RANBP9: variants seen among roughly 807,000 people sequenced by gnomAD.
RANBP9 encodes the protein ran-binding protein 9.
RANBP9 carries 15 observed loss-of-function variants against 84.3 expected under a neutral mutation model. That is an observed-to-expected ratio of 0.18 (90% CI 0.12 to 0.27). The LOEUF (loss-of-function observed/expected upper bound fraction) is 0.27. RANBP9 is among the 10% of genes least tolerant of loss of function. The pLI is 1.00. For synonymous variants in RANBP9, 392 were observed against 349.6 expected (o/e 1.12, Z -1.35); for missense variants, 809 against 912.8 (o/e 0.89, Z 1.46).
At chr6:13,635,036 C>G (rs1335282870) in intron 10 of RANBP9, among the ~76,000 whole-genome samples, 1 of 152,134 alleles carries the variant, frequency 6.6e-6, no homozygotes, top group Non-Finnish European at 1.5e-5. Flanking sequence ...CAATCCACTC[C>G]TAGGCTGTTT....
At chr6:13,667,901 T>C (rs1391559053) in intron 2 of RANBP9, among the ~76,000 whole-genome samples, 1 of 151,890 alleles carries the variant, frequency 6.6e-6, no homozygotes, top group Non-Finnish European at 1.5e-5. Flanking sequence ...AAAATTAAAA[T>C]TAAATAAAAA....
chr6:13,647,924 A>C (rs1289145879), intron 5 of RANBP9, among the ~76,000 whole-genome samples: 1 of 152,100 alleles, frequency 6.6e-6, no homozygotes, highest in Non-Finnish European at 1.5e-5. Flanking sequence ...AACGGCCTTC[A>C]ATGTTTTTTA....
At chr6:13,663,151 GA>G (rs570601974) in intron 2 of RANBP9, among the ~76,000 whole-genome samples, 69 of 151,498 alleles carry the variant, frequency 4.6e-4, no homozygotes, top group African/African-American at 1.6e-3. Context: ...TAACAAAAAA[GA>G]AAAAAAGTGC....
At chr6:13,662,694 G>A (rs1765559623) in intron 2 of RANBP9, among the ~76,000 whole-genome samples, 1 of 152,108 alleles carries the variant, frequency 6.6e-6, no homozygotes, top group Non-Finnish European at 1.5e-5. Context: ...TTTAAACTTG[G>A]GCTTTCAAGC....
intron 2 of RANBP9, among the ~76,000 whole-genome samples, chr6:13,685,711 C>CT (rs1766157748): frequency 6.6e-6 from 1 of 152,056 alleles, no homozygotes; most frequent in African/African-American, 2.4e-5. Flanking sequence ...GGGAGGATCA[C>CT]GAGGTCAAGA....
At chr6:13,669,385 T>C (rs570198659) in intron 2 of RANBP9, among the ~76,000 whole-genome samples, 27 of 152,220 alleles carry the variant, frequency 1.8e-4, no homozygotes, top group African/African-American at 6.5e-4. Context: ...GATCCTGAAA[T>C]CATACACAAA....
intron 4 of RANBP9, among the ~76,000 whole-genome samples, chr6:13,656,800 T>C (rs1765410128): frequency 6.6e-6 from 1 of 152,168 alleles, no homozygotes; most frequent in African/African-American, 2.4e-5. Context: ...TAGATTATAC[T>C]GTGTAGCGTT....
Position 13,634,563 on chromosome 6 carries a change from A to G in RANBP9, c.1674-11T>C. 3 of 1,590,660 alleles carry G rather than the reference A, an allele frequency of 1.9e-6. No individual in the cohort carries two copies. On this transcript the variant is annotated splice_polypyrimidine_tract_variant and intron_variant, in intron 10 of 13. Coordinates refer to ENST00000011619, the MANE Select transcript of RANBP9 (RefSeq NM_005493.3). ...ATGTCTACATCATTACTGAAAACGAAAAAACAAACCTAATTTTAGAAATAT... is the reference window on the plus strand; with the variant it reads ...ATGTCTACATCATTACTGAAAACGAGAAAACAAACCTAATTTTAGAAATAT...
At chr6:13,637,238 AC>A (rs1764958878) in intron 10 of RANBP9, among the ~76,000 whole-genome samples, 1 of 152,206 alleles carries the variant, frequency 6.6e-6, no homozygotes, top group Non-Finnish European at 1.5e-5. Context: ...TTGGTGCCCA[AC>A]AAATCCTCAA....
chr6:13,695,722 T>C (rs1766430114), intron 2 of RANBP9, among the ~76,000 whole-genome samples: 1 of 152,226 alleles, frequency 6.6e-6, no homozygotes, highest in African/African-American at 2.4e-5. Flanking sequence ...ATTTTCTCTT[T>C]GGCTTGATTA....
chr6:13,652,463 C>CT (rs1765318766), intron 5 of RANBP9, among the ~76,000 whole-genome samples, 196 bp downstream of exon 5: 1 of 152,152 alleles, frequency 6.6e-6, no homozygotes, highest in Non-Finnish European at 1.5e-5. Context: ...TACAATGAAT[C>CT]CAGTGCAAGT....
chr6:13,622,986 G>C (rs1764496652), intron 13 of RANBP9, among the ~76,000 whole-genome samples: 1 of 152,168 alleles, frequency 6.6e-6, no homozygotes, highest in Admixed American at 6.5e-5. Flanking sequence ...TATTTGGGCT[G>C]GTGGGGAGTA....
At chr6:13,649,895 TA>T (rs1469774320) in intron 5 of RANBP9, among the ~76,000 whole-genome samples, 7 of 152,180 alleles carry the variant, frequency 4.6e-5, no homozygotes, top group African/African-American at 1.7e-4. Context: ...TCTACTCTGC[TA>T]AGTACAATTG....
chr6:13,650,395 T>C (rs1765270793), intron 5 of RANBP9, among the ~76,000 whole-genome samples: 1 of 152,240 alleles, frequency 6.6e-6, no homozygotes, highest in Non-Finnish European at 1.5e-5. Context: ...AAATAGTCTA[T>C]AGATTTGGTA....
intron 1 of RANBP9, among the ~76,000 whole-genome samples, chr6:13,707,441 ACCTTTTTC>A (rs964905914): frequency 1.3e-5 from 2 of 152,162 alleles, no homozygotes; most frequent in Non-Finnish European, 1.5e-5. Context: ...TGTTCCAGTT[ACCTTTTTC>A]CCCCAGAGTA....
chr6:13,697,031 A>G, intron 1 of RANBP9, 135 bp from the exon 2 acceptor site: 1 of 601,176 alleles, frequency 1.7e-6, no homozygotes, highest in Non-Finnish European at 2.7e-6. Context: ...AATACTCAAT[A>G]AAACGTTTAT....
chr6:13,687,427 G>A (rs1374757983), intron 2 of RANBP9, among the ~76,000 whole-genome samples: 2 of 151,780 alleles, frequency 1.3e-5, no homozygotes, highest in African/African-American at 4.8e-5. Flanking sequence ...ATTTGAGGCT[G>A]CAGTGAGCTA....
At chr6:13,678,357 A>G (rs543997135) in intron 2 of RANBP9, among the ~76,000 whole-genome samples, 1 of 152,370 alleles carries the variant, frequency 6.6e-6, no homozygotes, top group South Asian at 2.1e-4. Context: ...CACTGCATTT[A>G]AAACATGTTT....
chr6:13,678,792 T>C (rs1012168750), intron 2 of RANBP9, among the ~76,000 whole-genome samples: 3 of 152,104 alleles, frequency 2.0e-5, no homozygotes, highest in Non-Finnish European at 4.4e-5. Flanking sequence ...GTGAGTATAA[T>C]AAAATTCTTC....
Sources: gnomAD v4.1 joint callset for allele counts (sites outside exome capture counted in the v4.1 genomes callset) on GRCh38, gnomAD v4.1.1 for gene constraint, MANE v1.5 for transcripts, NCBI Gene and HGNC (gene_info 2026-07-23, HGNC 2026-07-21) for gene names.